Variants in DZANK1 observed in about 807,000 individuals in gnomAD.
DZANK1 encodes double zinc ribbon and ankyrin repeat-containing protein 1.
Under a neutral mutation model 94.5 loss-of-function variants are expected in DZANK1, and 91 were observed. That is an observed-to-expected ratio of 0.96 (90% CI 0.81 to 1.15). The LOEUF (loss-of-function observed/expected upper bound fraction) is 1.15, where lower values mean the gene tolerates loss of function less well. Ranked by LOEUF, DZANK1 falls within the 50% of genes most tolerant of loss-of-function variation. The pLI, the probability that DZANK1 is intolerant of heterozygous loss-of-function variation, is 0.00. For missense variants in DZANK1, 903 were observed against 916.4 expected (o/e 0.99, Z 0.19); for synonymous variants, 312 against 325.3 (o/e 0.96, Z 0.44).
chr20:18,388,945 C>T (rs560262033), intron 19 of DZANK1, among the ~76,000 whole-genome samples: 13 of 152,276 alleles, frequency 8.5e-5, no homozygotes, highest in African/African-American at 3.1e-4. Flanking sequence ...ACCTTGACCT[C>T]GCCTTAGTAA....
intron 9 of DZANK1, among the ~76,000 whole-genome samples, chr20:18,430,756 A>G (rs1048205317): frequency 6.6e-6 from 1 of 152,202 alleles, no homozygotes; most frequent in African/African-American, 2.4e-5. Flanking sequence ...TCAGGCTGCA[A>G]TGAGCCATGA....
intron 10 of DZANK1, among the ~76,000 whole-genome samples, chr20:18,417,837 GC>G (rs2057565202): frequency 6.6e-6 from 1 of 152,096 alleles, no homozygotes; most frequent in South Asian, 2.1e-4. Flanking sequence ...TGTAATCCCA[GC>G]ACTTTAGGAG....
chr20:18,405,482 C>G (rs1225688496), intron 13 of DZANK1, among the ~76,000 whole-genome samples: 1 of 151,984 alleles, frequency 6.6e-6, no homozygotes, highest in Non-Finnish European at 1.5e-5. Context: ...TTGAGCATGC[C>G]AACATCTACA....
intron 8 of DZANK1, among the ~76,000 whole-genome samples, chr20:18,438,592 G>A (rs1032278308): frequency 2.6e-5 from 4 of 152,322 alleles, no homozygotes; most frequent in Middle Eastern, 3.4e-3. Flanking sequence ...TAGACAAAGA[G>A]AGACATTTGG....
intron 19 of DZANK1, among the ~76,000 whole-genome samples, chr20:18,387,262 G>A (rs1212598686): frequency 1.3e-5 from 2 of 152,166 alleles, no homozygotes; most frequent in South Asian, 4.2e-4. Flanking sequence ...TTGCATGGGG[G>A]GTTTGCTGGT....
At chr20:18,444,984 G>C (rs184667962) in intron 7 of DZANK1, among the ~76,000 whole-genome samples, 2,573 of 151,088 alleles carry the variant, frequency 0.017, 29 homozygotes, top group Middle Eastern at 0.024. Context: ...TTTTTTTGTA[G>C]TTTTAGTAGA....
intron 10 of DZANK1, chr20:18,421,131 T>C (rs1366143088): frequency 6.5e-6 from 1 of 154,324 alleles, no homozygotes; most frequent in Non-Finnish European, 1.5e-5. Flanking sequence ...TATATCTACA[T>C]CTCTTGATGA....
In DZANK1 at chr20:18,412,569, G is replaced by A. The variant is rs1317357120; in HGVS notation, c.1432+77C>T. The stretch of plus-strand genomic sequence containing the variant: ...TTACACATACAAATAAATCTAAAAG[G>A]AAGAGAAAATGAAATGTTCTTTCAC... On this transcript the variant is annotated intron_variant, in intron 13 of 20. Coordinates refer to ENST00000262547, the Ensembl canonical transcript of DZANK1. 7.2e-6 allele frequency: 10 copies of A among 1,386,570 alleles called. No individual in the cohort carries two copies. In the Admixed American group the frequency reaches 1.1e-4, roughly 15 times the overall value. 85.9% of individuals were successfully genotyped at this position (1,386,570 alleles called of 1,614,324 possible).
chr20:18,386,068 T>C (rs2048474728), intron 19 of DZANK1, among the ~76,000 whole-genome samples: 1 of 152,220 alleles, frequency 6.6e-6, no homozygotes, highest in African/African-American at 2.4e-5. Context: ...GAACTCTCTC[T>C]GCCCCTGCTC....
chr20:18,389,595 G>A, intron 19 of DZANK1, 106 bp downstream of exon 19: 2 of 1,462,448 alleles, frequency 1.4e-6, no homozygotes, highest in South Asian at 2.7e-5. Context: ...TGGTTAAAGT[G>A]GCTGAAACTG....
rs571814288 is a variant in DZANK1 at position 18,460,135 on chromosome 20, A to C, written c.263+18T>G. 27 of 1,431,126 alleles carry C rather than the reference A, an allele frequency of 1.9e-5. No homozygotes were observed. The highest frequency in any genetic ancestry group is 2.2e-5 in the Non-Finnish European group (24 of 1,068,348). The allele number at this position is 1,431,126 out of a possible 1,614,324, so 88.7% of individuals were successfully genotyped here. On this transcript the variant is annotated intron_variant, in intron 3 of 20. Transcript: ENST00000262547. ...TATTATATCATAAATTAAATTAATC[A>C]CCATGCTCTTAACTTACTTAGAGAC...
At chr20:18,412,963 T>G (rs886166244) in intron 12 of DZANK1, 110 bp from the exon 13 acceptor site, 8 of 1,065,472 alleles carry the variant, frequency 7.5e-6, no homozygotes, top group Admixed American at 5.2e-5. Flanking sequence ...TCAAGAAAAG[T>G]GTACTTGGAA....
rs150435367 is a variant in DZANK1, at chr20:18,399,613, A to G, written c.1433-987T>C. Among the ~76,000 whole-genome samples, 524 of 152,344 alleles carry G rather than the reference A, an allele frequency of 3.4e-3. 5 individuals are homozygous for G. Among genetic ancestry groups the G allele is most frequent in the African/African-American group, 0.012 (504 of 41,578 alleles). On this transcript the variant is annotated intron_variant, in intron 13 of 20. Coordinates refer to ENST00000262547, the Ensembl canonical transcript of DZANK1. ...ATATATAAAACATTTCCATCACTCT[A>G]AAAAGTTCTCTTGGGTCCCTTTCCA... is the stretch of plus-strand genomic sequence containing the variant.
chr20:18,398,743 T>G lies in DZANK1; in HGVS notation c.1433-117A>C, dbSNP rs1161654456. The G allele has an allele frequency of 4.0e-6, 4 of 988,974 alleles. No homozygotes were observed. In the Admixed American group the frequency reaches 6.3e-5, roughly 16 times the overall value. The allele number at this position is 988,974 out of a possible 1,614,324, so 61.3% of individuals were successfully genotyped here. On this transcript the variant is annotated intron_variant, in intron 13 of 20. Coordinates refer to ENST00000262547, the Ensembl canonical transcript of DZANK1. ...TAATTTCCTTTGTCAAACTTTGTGATGGACTTTCCTTAGTGAACCTCAACT... is the reference window on the plus strand; with the variant it reads ...TAATTTCCTTTGTCAAACTTTGTGAGGGACTTTCCTTAGTGAACCTCAACT...
At chr20:18,443,729 A>G (rs2058786378) in intron 7 of DZANK1, among the ~76,000 whole-genome samples, 1 of 152,202 alleles carries the variant, frequency 6.6e-6, no homozygotes, top group South Asian at 2.1e-4. Flanking sequence ...CAAGAAGTTT[A>G]TCAGCAGCCT....
At position 18,391,899 on chromosome 20, in the gene DZANK1, C is replaced by T. The variant is rs548687655; in HGVS notation, c.1810-1440G>A. 7.9e-5 allele frequency among the ~76,000 whole-genome samples: 12 copies of T among 152,352 alleles called. No homozygotes were observed. The East Asian group carries it at 2.3e-3, about 29-fold the overall frequency. Reference sequence around the variant, plus strand: ...AGTACTCTAATCAGTAAACCCCCAGCAGGGGTCTTGGGGAGCACTTGTTTA... The same window carrying T: ...AGTACTCTAATCAGTAAACCCCCAGTAGGGGTCTTGGGGAGCACTTGTTTA... On this transcript the variant is annotated intron_variant, in intron 17 of 20. Coordinates refer to ENST00000262547, the Ensembl canonical transcript of DZANK1.
At chr20:18,464,219 A>G (rs1037564755) in intron 2 of DZANK1, among the ~76,000 whole-genome samples, 1 of 151,674 alleles carries the variant, frequency 6.6e-6, no homozygotes, top group African/African-American at 2.4e-5. Flanking sequence ...GATTACAGGC[A>G]TTGGCCACCA....
chr20:18,451,581 G>A (rs929570649), intron 6 of DZANK1, among the ~76,000 whole-genome samples: 7 of 152,074 alleles, frequency 4.6e-5, no homozygotes, highest in African/African-American at 1.7e-4. Flanking sequence ...AAGTACATAT[G>A]TCCAGCTCTG....
At chr20:18,415,272 TC>T in intron 11 of DZANK1, 54 bp downstream of exon 11, 1 of 1,378,940 alleles carries the variant, frequency 7.3e-7, no homozygotes, top group South Asian at 2.0e-5. Flanking sequence ...CCTGGCTCTC[TC>T]CAGGCCAGTG....
Sources: gnomAD v4.1 joint callset for allele counts (sites outside exome capture counted in the v4.1 genomes callset) on GRCh38, gnomAD v4.1.1 for gene constraint, MANE v1.5 for transcripts, NCBI Gene and HGNC (gene_info 2026-07-23, HGNC 2026-07-21) for gene names.